DNAH2: variants seen among roughly 807,000 people sequenced by gnomAD.
DNAH2 encodes the protein dynein axonemal heavy chain 2.
A neutral mutation model predicts 523.5 loss-of-function variants in DNAH2; 323 were observed. The ratio of observed to expected loss-of-function variants is 0.62; its 90% CI spans 0.56 to 0.68. The LOEUF (loss-of-function observed/expected upper bound fraction) is 0.68, where lower values mean the gene tolerates loss of function less well. DNAH2 is among the 30% of genes least tolerant of loss of function. DNAH2 has a pLI of 0.00. For synonymous variants in DNAH2, 2,093 were observed against 2,177.4 expected, an observed-to-expected ratio of 0.96 and a Z score of 1.08; for missense variants, 4,907 against 5,701.5, an observed-to-expected ratio of 0.86 and a Z score of 4.49.
At chr17:7,721,021 T>G (rs1476570811) in intron 2 of DNAH2, among the ~76,000 whole-genome samples, 1 of 147,090 alleles carries the variant, frequency 6.8e-6, no homozygotes, top group African/African-American at 2.5e-5. Context: ...TTTTTTTTTT[T>G]TTTTTGAGAC....
intron 22 of DNAH2, among the ~76,000 whole-genome samples, chr17:7,766,910 A>G (rs2076185474): frequency 6.6e-6 from 1 of 152,088 alleles, no homozygotes; most frequent in African/African-American, 2.4e-5. Flanking sequence ...TCGACCTCCC[A>G]AAGTGCTAGG....
chr17:7,775,580 G>T (rs1009241314), intron 30 of DNAH2, among the ~76,000 whole-genome samples: 3 of 152,040 alleles, frequency 2.0e-5, no homozygotes, highest in Non-Finnish European at 4.4e-5. Context: ...AGCTACTCGG[G>T]AGGCTGAGGC....
In DNAH2 at chr17:7,828,117, C is replaced by A. The variant is rs1001081861; in HGVS notation, c.11854-2183C>A. Among the ~76,000 whole-genome samples the A allele has an allele frequency of 6.6e-6, 1 of 152,042 alleles. No homozygotes were observed. Among genetic ancestry groups the A allele is most frequent in the African/African-American group, 2.4e-5 (1 of 41,326 alleles). ...GTTTTTTTGTAGAGACTGGATTTCA[C>A]CATGTTGGCCAGGCTGGTCTTGGAC... On this transcript the variant is annotated intron_variant, in intron 77 of 85. Transcript: ENST00000572933. This position sits in a 1 kb window ranked among gnomAD's most constrained non-coding sequence, Gnocchi z 4.1.
In DNAH2 at chr17:7,733,201, C is replaced by G; in HGVS notation, c.514C>G (p.Leu172Val). ...TVRGPYIPALLRLLGGVFAPQ... is the reference protein window; with the variant it reads ...TVRGPYIPALVRLLGGVFAPQ... Reference sequence around the variant, plus strand: ...GCGGGGCCCCTATATCCCGGCCCTGCTTCGGCTGCTCGGTGGAGTCTTTGC... The same window carrying G: ...GCGGGGCCCCTATATCCCGGCCCTGGTTCGGCTGCTCGGTGGAGTCTTTGC... Residue 172 changes from leucine to valine, a missense_variant, in exon 5 of 86, where the codon CTT becomes GTT. By Grantham distance (32) the Leu-to-Val change is conservative. Transcript: ENST00000572933. The G allele has an allele frequency of 1.2e-6, 2 of 1,614,218 alleles. No homozygotes were observed. The highest frequency in any genetic ancestry group is 1.7e-6 in the Non-Finnish European group (2 of 1,180,040).
In DNAH2 at chr17:7,798,440, G is replaced by T; in HGVS notation, c.8398+116G>T. ...CAGACGTGTCTGGCCCGTGTTGGGTGTAGGATGGTGTCGCGTGTATGCTGC... is the reference window on the plus strand; with the variant it reads ...CAGACGTGTCTGGCCCGTGTTGGGTTTAGGATGGTGTCGCGTGTATGCTGC... On this transcript the variant is annotated intron_variant, in intron 54 of 85. Coordinates refer to ENST00000572933, the MANE Select transcript of DNAH2 (RefSeq NM_020877.5). The surrounding 1 kb of genome is among the most constrained non-coding windows in gnomAD (Gnocchi z 5.5). 1 of 1,537,752 alleles carries T rather than the reference G, an allele frequency of 6.5e-7. No homozygotes were observed. Among genetic ancestry groups the T allele is most frequent in the Non-Finnish European group, 8.8e-7 (1 of 1,141,998 alleles).
At position 7,718,758 on chromosome 17, in the gene DNAH2, A is replaced by G. The variant is rs189590703; in HGVS notation, c.-56A>G. ...GCTAAGAGACCTCAGTACACACAAA[A>G]CAGTGTTCCTGCCCCTCAGGACTTC... On this transcript the variant is annotated 5_prime_UTR_variant, in exon 1 of 86. Coordinates refer to ENST00000572933, the MANE Select transcript of DNAH2 (RefSeq NM_020877.5). The G allele has an allele frequency of 1.2e-4, 19 of 152,910 alleles. No individual in the cohort carries two copies. The highest frequency in any genetic ancestry group is 4.1e-4 in the African/African-American group (17 of 41,568). 9.5% of individuals were successfully genotyped at this position (152,910 alleles called of 1,614,324 possible).
rs758985556 is a variant in DNAH2 at position 7,824,075 on chromosome 17, T to C, written c.11479-46T>C. 24 of 1,569,906 alleles carry C rather than the reference T, an allele frequency of 1.5e-5. No individual in the cohort carries two copies. The East Asian group carries it at 2.5e-4, about 16-fold the overall frequency. On this transcript the variant is annotated intron_variant, in intron 75 of 85. Coordinates refer to ENST00000572933, the MANE Select transcript of DNAH2 (RefSeq NM_020877.5). ...TCTCCTTCATCTCTCTCTCCCACTT[T>C]GGTCATGTGGCCTTCTGCCTGATGC... is the stretch of plus-strand genomic sequence containing the variant.
Position 7,793,503 on chromosome 17 carries a change from CTT to C in DNAH2, c.7569+300_7569+301del, listed in dbSNP as rs879858866. On this transcript the variant is annotated intron_variant, in intron 48 of 85. Coordinates refer to ENST00000572933, the MANE Select transcript of DNAH2 (RefSeq NM_020877.5). ...TCTTTCTTTCTTTCTTTCTTTCTTTCTTTCTTTCTTTCTTCTCTTTCTCTTTC... is the reference window on the plus strand; with the variant it reads ...TCTTTCTTTCTTTCTTTCTTTCTTTCTCTTTCTTTCTTCTCTTTCTCTTTC... Among the ~76,000 whole-genome samples the C allele has an allele frequency of 6.5e-3, 880 of 135,218 alleles. 12 individuals carry two copies. Among genetic ancestry groups the C allele is most frequent in the Non-Finnish European group, 8.5e-3 (507 of 59,358 alleles). The allele number at this position is 135,218 out of a possible 152,430, so 88.7% of individuals were successfully genotyped here.
chr17:7,744,984 A>G (rs897849825), intron 12 of DNAH2, among the ~76,000 whole-genome samples: 6 of 151,574 alleles, frequency 4.0e-5, no homozygotes, highest in African/African-American at 1.2e-4. Flanking sequence ...CTAATGATCA[A>G]TCTTTACATT....
Position 7,739,706 on chromosome 17 carries a change from G to T in DNAH2, c.1171-27G>T, listed in dbSNP as rs546548331. On this transcript the variant is annotated intron_variant, in intron 8 of 85. Coordinates refer to ENST00000572933, the MANE Select transcript of DNAH2 (RefSeq NM_020877.5). Reference sequence around the variant, plus strand: ...ACTTTGGAGTTTGGAAGGAAAGCAGGAACCCTCATGCTGTCTTCTTTTTTA... The same window carrying T: ...ACTTTGGAGTTTGGAAGGAAAGCAGTAACCCTCATGCTGTCTTCTTTTTTA... The T allele has an allele frequency of 5.3e-4, 855 of 1,605,518 alleles. 17 individuals carry two copies. In the South Asian group the frequency reaches 9.0e-3, roughly 17 times the overall value.
rs895008869 is a variant in DNAH2 at position 7,760,286 on chromosome 17, C to T, written c.2785+348C>T. On this transcript the variant is annotated intron_variant, in intron 17 of 85. Transcript: ENST00000572933. The surrounding 1 kb of genome is among the most constrained non-coding windows in gnomAD (Gnocchi z 4.0). ...AGGAGGCTGAGGCAAAGAATCACCC[C>T]GGAGGCGGAGGTTGCAGTGAGCGGA... Among the ~76,000 whole-genome samples, 3 of 151,740 alleles carry T rather than the reference C, an allele frequency of 2.0e-5. No homozygotes were observed. Among genetic ancestry groups the T allele is most frequent in the Admixed American group, 1.3e-4 (2 of 15,222 alleles).
At chr17:7,723,873 G>A (rs548562466) in intron 3 of DNAH2, among the ~76,000 whole-genome samples, 184 bp downstream of exon 3, 24 of 152,184 alleles carry the variant, frequency 1.6e-4, no homozygotes, top group East Asian at 1.2e-3. Context: ...CTGTGCCTTC[G>A]CCAGGACAGA....
In DNAH2 at chr17:7,798,868, T is replaced by G; in HGVS notation, c.8559+150T>G. 1 of 1,259,854 alleles carries G rather than the reference T, an allele frequency of 7.9e-7. No individual in the cohort carries two copies. The highest frequency in any genetic ancestry group is 1.1e-6 in the Non-Finnish European group (1 of 914,406). 78.0% of individuals were successfully genotyped at this position (1,259,854 alleles called of 1,614,324 possible). ...CAGCCCTGTAAGGTGGAAGGTCCCC[T>G]CCAGGGACCCTGGGCAGAGCTGCTT... On this transcript the variant is annotated intron_variant, in intron 55 of 85. Coordinates refer to ENST00000572933, the MANE Select transcript of DNAH2 (RefSeq NM_020877.5). This position sits in a 1 kb window ranked among gnomAD's most constrained non-coding sequence, Gnocchi z 5.5.
At chr17:7,766,834 G>A (rs1486152813) in intron 22 of DNAH2, among the ~76,000 whole-genome samples, 1 of 151,594 alleles carries the variant, frequency 6.6e-6, no homozygotes, top group Non-Finnish European at 1.5e-5. Context: ...TTTTAGTATA[G>A]AGATGGGGTT....
intron 65 of DNAH2, 37 bp downstream of exon 65, chr17:7,817,452 G>A: frequency 1.2e-6 from 2 of 1,613,642 alleles, no homozygotes; most frequent in Non-Finnish European, 1.7e-6. Flanking sequence ...TAGGCTCCGA[G>A]ACCAGGGCTG....
chr17:7,804,414 A>G lies in DNAH2; in HGVS notation c.9131A>G (p.Glu3044Gly). 1 of 1,614,134 alleles carries G rather than the reference A, an allele frequency of 6.2e-7. No individual in the cohort carries two copies. The highest frequency in any genetic ancestry group is 8.5e-7 in the Non-Finnish European group (1 of 1,180,026). The change falls in exon 59 of 86, where the codon GAG becomes GGG. Residue 3044 changes from glutamate to glycine, a missense_variant. Coordinates refer to ENST00000572933, the MANE Select transcript of DNAH2 (RefSeq NM_020877.5). The part of the protein sequence containing the change: ...KVAEFQKQCE[E>G]YLVIIVQQKR... Reference sequence around the variant, plus strand: ...GCTGAGTTCCAGAAGCAGTGTGAGGAGTACCTGGTCATCATTGTGCAGCAG... The same window carrying G: ...GCTGAGTTCCAGAAGCAGTGTGAGGGGTACCTGGTCATCATTGTGCAGCAG...
Position 7,821,146 on chromosome 17 carries a change from TG to T in DNAH2, c.11016-96del. 6.7e-7 allele frequency: 1 copy of T among 1,489,702 alleles called. No individual in the cohort carries two copies. Among genetic ancestry groups the T allele is most frequent in the Non-Finnish European group, 9.0e-7 (1 of 1,110,908 alleles). 92.3% of individuals were successfully genotyped at this position (1,489,702 alleles called of 1,614,324 possible). On this transcript the variant is annotated intron_variant, in intron 72 of 85. Coordinates refer to ENST00000572933, the MANE Select transcript of DNAH2 (RefSeq NM_020877.5). The surrounding 1 kb of genome is among the most constrained non-coding windows in gnomAD (Gnocchi z 5.0). ...AGGATTAGAGGCTGGTGAGGTCCTCTGTGTGAAGCTGTGTGATAGTAGCATC... is the reference window on the plus strand; with the variant it reads ...AGGATTAGAGGCTGGTGAGGTCCTCTTGTGAAGCTGTGTGATAGTAGCATC...
intron 5 of DNAH2, 150 bp downstream of exon 5, chr17:7,733,465 C>CCTT (rs1310143327): frequency 3.9e-5 from 23 of 594,650 alleles, no homozygotes; most frequent in African/African-American, 3.7e-4. Flanking sequence ...ACAAGATCCG[C>CCTT]CTTCTTCTTC....
At position 7,817,027 on chromosome 17, in the gene DNAH2, A is replaced by G. The variant is rs1207062607; in HGVS notation, c.9895-263A>G. Among the ~76,000 whole-genome samples the G allele has an allele frequency of 3.9e-5, 6 of 152,342 alleles. No homozygotes were observed. The East Asian group carries it at 9.6e-4, about 24-fold the overall frequency. On this transcript the variant is annotated intron_variant, in intron 64 of 85. Coordinates refer to ENST00000572933, the MANE Select transcript of DNAH2 (RefSeq NM_020877.5). Reference sequence around the variant, plus strand: ...CAACCAGACAGAAAACAGACACAGCACATCTTGCTTCTGCCCCTCAGTGAG... The same window carrying G: ...CAACCAGACAGAAAACAGACACAGCGCATCTTGCTTCTGCCCCTCAGTGAG...
Sources: allele counts gnomAD v4.1 joint callset (sites outside exome capture counted in the v4.1 genomes callset), GRCh38; gene constraint gnomAD v4.1.1; non-coding constraint Gnocchi (gnomAD v3.1); transcripts MANE v1.5; gene names NCBI Gene and HGNC (gene_info 2026-07-23, HGNC 2026-07-21).